LRP1B: variants seen among roughly 807,000 people sequenced by gnomAD.
LRP1B encodes LDL receptor related protein 1B.
In LRP1B, 217 loss-of-function variants were observed where a neutral mutation model predicts 556.6. The observed-to-expected ratio is 0.39, with a 90% CI of 0.35 to 0.44. The LOEUF (loss-of-function observed/expected upper bound fraction) is 0.44, where lower values mean the gene tolerates loss of function less well. Among genes scored for constraint, LRP1B ranks in the 20% least tolerant of loss-of-function variants. The probability of loss-of-function intolerance (pLI) is 1.00; values close to 1 mark genes in which losing one functional copy is unlikely to be tolerated. For synonymous variants in LRP1B, 2,047 were observed against 1,865.8 expected, an observed-to-expected ratio of 1.10 and a Z score of -2.50; for missense variants, 5,053 against 5,620.8, an observed-to-expected ratio of 0.90 and a Z score of 3.23.
In LRP1B at chr2:140,351,050, T is replaced by A. The variant is rs1384773431; in HGVS notation, c.11651-12A>T. The A allele has an allele frequency of 6.7e-7, 1 of 1,498,386 alleles. No homozygotes were observed. Among genetic ancestry groups the A allele is most frequent in the South Asian group, 1.3e-5 (1 of 78,608 alleles). 92.8% of individuals were successfully genotyped at this position (1,498,386 alleles called of 1,614,324 possible). On this transcript the variant is annotated splice_polypyrimidine_tract_variant and intron_variant, in intron 76 of 90. Transcript: ENST00000389484. ...TTGATCTTCAGAGCCTGGAGATTAT[T>A]ATAATAAAATACAAAAATAAAGTAA...
chr2:140,744,417 T>C (rs1688251528), intron 35 of LRP1B, among the ~76,000 whole-genome samples: 1 of 152,178 alleles, frequency 6.6e-6, no homozygotes, highest in South Asian at 2.1e-4. Context: ...CCTAACCCTA[T>C]CTGGAGAGAA....
rs183773563 is a variant in LRP1B at position 141,832,869 on chromosome 2, C to T, written c.83-22468G>A. Among the ~76,000 whole-genome samples the T allele has an allele frequency of 4.6e-5, 7 of 151,904 alleles. No homozygotes were observed. In the East Asian group the frequency reaches 5.8e-4, roughly 13 times the overall value. ...TTTCACAAAATGAAGCAGGTATATT[C>T]TAAAAGTTGTATCTTTTATTTAACT... On this transcript the variant is annotated intron_variant, in intron 1 of 90. Transcript: ENST00000389484.
chr2:141,506,144 C>T (rs1162304277), intron 2 of LRP1B, among the ~76,000 whole-genome samples: 1 of 152,030 alleles, frequency 6.6e-6, no homozygotes, highest in East Asian at 1.9e-4. Context: ...ATTGGAAAGA[C>T]AGACATAACA....
intron 27 of LRP1B, among the ~76,000 whole-genome samples, chr2:140,860,059 C>T (rs1184952410): frequency 2.0e-5 from 3 of 151,920 alleles, no homozygotes; most frequent in African/African-American, 7.2e-5. Flanking sequence ...CTAAACTTAA[C>T]TTTGAGAAGG....
intron 56 of LRP1B, among the ~76,000 whole-genome samples, chr2:140,495,249 C>G (rs1688867838): frequency 6.6e-6 from 1 of 151,192 alleles, no homozygotes; most frequent in Non-Finnish European, 1.5e-5. Flanking sequence ...GTCTCTTTAA[C>G]AGTTTTAGCC....
chr2:141,153,651 T>TACA (rs1701995218), intron 7 of LRP1B, among the ~76,000 whole-genome samples: 2 of 143,554 alleles, frequency 1.4e-5, no homozygotes, highest in East Asian at 3.9e-4. Context: ...TATATAGCTT[T>TACA]ACATATCTAT....
intron 45 of LRP1B, among the ~76,000 whole-genome samples, chr2:140,538,366 T>C (rs1680007007): frequency 6.6e-6 from 1 of 152,092 alleles, no homozygotes. Flanking sequence ...TCAACCTTTG[T>C]CCACCGTCTT....
chr2:141,934,137 T>C (rs573444975), intron 1 of LRP1B, among the ~76,000 whole-genome samples: 3 of 152,280 alleles, frequency 2.0e-5, no homozygotes, highest in Non-Finnish European at 4.4e-5. Flanking sequence ...ATGAAAAATA[T>C]TGCTTTTTAT....
At chr2:141,356,115 C>G (rs1688618768) in intron 3 of LRP1B, among the ~76,000 whole-genome samples, 1 of 152,056 alleles carries the variant, frequency 6.6e-6, no homozygotes, top group Non-Finnish European at 1.5e-5. Flanking sequence ...GCTAGTTTTG[C>G]AAAAAATTAG....
intron 7 of LRP1B, among the ~76,000 whole-genome samples, chr2:141,141,827 G>A (rs1333103796): frequency 1.3e-5 from 2 of 152,052 alleles, no homozygotes; most frequent in Non-Finnish European, 2.9e-5. Flanking sequence ...GAAGAAAATG[G>A]CAATCTGTAT....
At chr2:140,274,637 T>A (rs1232860987) in intron 84 of LRP1B, 39 bp from the exon 85 acceptor site, 1 of 1,552,550 alleles carries the variant, frequency 6.4e-7, no homozygotes. Context: ...AAAATTATAT[T>A]ACAGGACATT....
chr2:140,483,528 G>A (rs1275741121), intron 59 of LRP1B, among the ~76,000 whole-genome samples: 1 of 142,470 alleles, frequency 7.0e-6, no homozygotes, highest in African/African-American at 2.6e-5. Context: ...CAGCCATATT[G>A]ATTTTGAAGA....
chr2:141,126,316 G>T (rs1196733247), intron 7 of LRP1B, among the ~76,000 whole-genome samples: 2 of 152,150 alleles, frequency 1.3e-5, no homozygotes, highest in African/African-American at 4.8e-5. Flanking sequence ...TTACAGGCAT[G>T]AGCCATCGCT....
intron 35 of LRP1B, among the ~76,000 whole-genome samples, chr2:140,731,650 C>T (rs1031609119): frequency 6.6e-6 from 1 of 151,610 alleles, no homozygotes; most frequent in East Asian, 1.9e-4. Context: ...TGCCTGTAGT[C>T]CCAGCTACTC....
At chr2:142,069,840 C>T (rs1039336022) in intron 1 of LRP1B, among the ~76,000 whole-genome samples, 1 of 117,932 alleles carries the variant, frequency 8.5e-6, no homozygotes, top group Non-Finnish European at 2.0e-5. Flanking sequence ...TTTTTGCAAT[C>T]ATGACTACAT....
chr2:140,764,565 A>T (rs185851681), intron 35 of LRP1B, among the ~76,000 whole-genome samples: 17 of 152,310 alleles, frequency 1.1e-4, no homozygotes, highest in Non-Finnish European at 2.2e-4. Context: ...TAAACAGATG[A>T]CATTCACTGT....
chr2:142,091,144 G>A (rs1199351049), intron 1 of LRP1B, among the ~76,000 whole-genome samples: 1 of 152,044 alleles, frequency 6.6e-6, no homozygotes, highest in African/African-American at 2.4e-5. Context: ...AACTGAATAA[G>A]AAGACTGCTC....
chr2:140,492,716 T>A lies in LRP1B; in HGVS notation c.9035-23A>T, dbSNP rs759575849. ...CATCTAAACACCAACACAAATAACA[T>A]ATTAGACTTTAAGTATGTATGCTTT... On this transcript the variant is annotated intron_variant, in intron 56 of 90. Coordinates refer to ENST00000389484, the MANE Select transcript of LRP1B (RefSeq NM_018557.3). 3.4e-6 allele frequency: 5 copies of A among 1,487,098 alleles called. No individual in the cohort carries two copies. The South Asian group carries it at 5.7e-5, about 17-fold the overall frequency. 92.1% of individuals were successfully genotyped at this position (1,487,098 alleles called of 1,614,324 possible).
At chr2:141,363,864 A>G (rs958449966) in intron 3 of LRP1B, among the ~76,000 whole-genome samples, 31 of 152,168 alleles carry the variant, frequency 2.0e-4, no homozygotes, top group Non-Finnish European at 3.7e-4. Flanking sequence ...AAATTGCACA[A>G]TTTCCCCAAT....
Sources: allele counts gnomAD v4.1 joint callset (sites outside exome capture counted in the v4.1 genomes callset), GRCh38; gene constraint gnomAD v4.1.1; transcripts MANE v1.5; gene names NCBI Gene and HGNC (gene_info 2026-07-23, HGNC 2026-07-21).